The following ANKS1B variants were observed in gnomAD, a reference collection of about 807,000 sequenced individuals.
The protein encoded by ANKS1B is ankyrin repeat and sterile alpha motif domain-containing protein 1B.
ANKS1B carries 36 observed loss-of-function variants against 148.3 expected under a neutral mutation model. That is an observed-to-expected ratio of 0.24 (90% CI 0.19 to 0.32). ANKS1B has a LOEUF of 0.32. Among genes scored for constraint, ANKS1B ranks in the 10% least tolerant of loss-of-function variants. ANKS1B has a pLI of 1.00. For missense variants in ANKS1B, 1,157 were observed against 1,542.6 expected, an observed-to-expected ratio of 0.75 and a Z score of 4.19; for synonymous variants, 542 against 560.8, an observed-to-expected ratio of 0.97 and a Z score of 0.47.
chr12:99,307,030 G>A (rs2082444094), intron 12 of ANKS1B, among the ~76,000 whole-genome samples: 1 of 151,940 alleles, frequency 6.6e-6, no homozygotes, highest in Non-Finnish European at 1.5e-5. Context: ...TGTCGTCCCT[G>A]GCTCTGCCTT....
At chr12:98,940,662 G>C (rs2099835313) in intron 17 of ANKS1B, among the ~76,000 whole-genome samples, 1 of 152,052 alleles carries the variant, frequency 6.6e-6, no homozygotes, top group African/African-American at 2.4e-5. Flanking sequence ...ATTTATTTTT[G>C]TATTCTTATG....
chr12:99,019,141 C>A (rs1173111177), intron 17 of ANKS1B, among the ~76,000 whole-genome samples: 2 of 152,110 alleles, frequency 1.3e-5, no homozygotes, highest in Admixed American at 6.6e-5. Context: ...TTATTTAATG[C>A]TCCATAGAGT....
intron 6 of ANKS1B, among the ~76,000 whole-genome samples, chr12:99,778,248 G>A (rs7953608): frequency 1.3e-5 from 2 of 151,632 alleles, no homozygotes; most frequent in Non-Finnish European, 1.5e-5. Context: ...TGGCTCATGC[G>A]TGTAATCCCA....
rs2098610012 is a variant in ANKS1B at position 98,773,030 on chromosome 12, G to A, written c.3579+12C>T. On this transcript the variant is annotated intron_variant, in intron 25 of 26. Coordinates refer to ENST00000683438, the MANE Select transcript of ANKS1B (RefSeq NM_001352186.2). ...AAAGTCTTTAATCTGTTGAAAGGGGGTGGGTACTCACCACATCAAAGGCAG... is the reference window on the plus strand; with the variant it reads ...AAAGTCTTTAATCTGTTGAAAGGGGATGGGTACTCACCACATCAAAGGCAG... 2.5e-6 allele frequency: 4 copies of A among 1,613,820 alleles called. No homozygotes were observed. Among genetic ancestry groups the A allele is most frequent in the African/African-American group, 1.3e-5 (1 of 75,040 alleles).
intron 8 of ANKS1B, among the ~76,000 whole-genome samples, chr12:99,682,854 A>G (rs2098629178): frequency 6.6e-6 from 1 of 152,146 alleles, no homozygotes. Flanking sequence ...AAATCAATAG[A>G]TCATTAGTGA....
intron 16 of ANKS1B, among the ~76,000 whole-genome samples, chr12:99,058,231 CTTTTTTTTT>C (rs1032294121): frequency 1.6e-5 from 2 of 124,618 alleles, no homozygotes; most frequent in South Asian, 2.8e-4. Context: ...CATGCCACAT[CTTTTTTTTT>C]TTTTTTTTTT....
intron 17 of ANKS1B, among the ~76,000 whole-genome samples, chr12:98,994,595 G>A (rs2099928464): frequency 6.6e-6 from 1 of 152,128 alleles, no homozygotes; most frequent in Non-Finnish European, 1.5e-5. Flanking sequence ...CTCCATCCTG[G>A]GTAAAAGATT....
intron 9 of ANKS1B, among the ~76,000 whole-genome samples, chr12:99,628,218 C>T (rs186247097): frequency 9.9e-5 from 15 of 152,236 alleles, no homozygotes; most frequent in South Asian, 8.3e-4. Context: ...AGTAAAAATA[C>T]ATCATTATAA....
chr12:99,224,959 T>C (rs755692133), intron 14 of ANKS1B, among the ~76,000 whole-genome samples: 1 of 152,160 alleles, frequency 6.6e-6, no homozygotes, highest in Non-Finnish European at 1.5e-5. Context: ...ACTTAAGTAA[T>C]TGATACACAG....
intron 1 of ANKS1B, among the ~76,000 whole-genome samples, chr12:99,946,804 TG>T (rs1223955920): frequency 6.6e-6 from 1 of 152,108 alleles, no homozygotes; most frequent in Non-Finnish European, 1.5e-5. Context: ...GAGAAGAACA[TG>T]GCATGGCTAG....
At chr12:99,637,034 G>C (rs2153412481) in intron 9 of ANKS1B, among the ~76,000 whole-genome samples, 1 of 152,288 alleles carries the variant, frequency 6.6e-6, no homozygotes, top group South Asian at 2.1e-4. Flanking sequence ...GGCCGGGTGT[G>C]GTGGCTCACA....
intron 4 of ANKS1B, among the ~76,000 whole-genome samples, chr12:99,805,111 G>C (rs2067426566): frequency 6.6e-6 from 1 of 151,956 alleles, no homozygotes; most frequent in African/African-American, 2.4e-5. Context: ...ATTGTGTTAA[G>C]CTATTAAGTT....
chr12:99,192,773 T>C (rs1457614907), intron 14 of ANKS1B, among the ~76,000 whole-genome samples: 1 of 152,110 alleles, frequency 6.6e-6, no homozygotes, highest in African/African-American at 2.4e-5. Flanking sequence ...ATAGGGACTA[T>C]TATGTAAAAA....
At chr12:98,983,091 C>T (rs1456401079) in intron 17 of ANKS1B, among the ~76,000 whole-genome samples, 1 of 152,194 alleles carries the variant, frequency 6.6e-6, no homozygotes, top group Non-Finnish European at 1.5e-5. Flanking sequence ...AAAACAATAT[C>T]CACATATTAG....
intron 14 of ANKS1B, among the ~76,000 whole-genome samples, chr12:99,198,504 G>T (rs2081658290): frequency 6.6e-6 from 1 of 152,144 alleles, no homozygotes; most frequent in South Asian, 2.1e-4. Context: ...AATAACTTGA[G>T]GATAGCAGGT....
chr12:99,844,499 C>T (rs1354823134), intron 1 of ANKS1B, among the ~76,000 whole-genome samples: 1 of 152,020 alleles, frequency 6.6e-6, no homozygotes, highest in Non-Finnish European at 1.5e-5. Context: ...AATAGGGAAT[C>T]CTTCCCCCAT....
In ANKS1B at chr12:98,895,272, C is replaced by T. The variant is rs2099762556; in HGVS notation, c.2779-63136G>A. ...AGGCACTCGCTGCTGCTGGGCGCCC[C>T]TCGCATCCTCGGTTACTATGGATAT... On this transcript the variant is annotated intron_variant, in intron 17 of 26. Transcript: ENST00000683438. 3 of 985,356 alleles carry T rather than the reference C, an allele frequency of 3.0e-6. No individual in the cohort carries two copies. In the Admixed American group the frequency reaches 1.8e-4, roughly 61 times the overall value. The allele number at this position is 985,356 out of a possible 1,614,324, so 61.0% of individuals were successfully genotyped here. A position where few individuals can be genotyped will look rare whatever the true frequency, so the allele number is the denominator to read the frequency against.
chr12:99,950,185 T>C (rs2095180993), intron 1 of ANKS1B, among the ~76,000 whole-genome samples: 1 of 140,730 alleles, frequency 7.1e-6, no homozygotes, highest in South Asian at 2.4e-4. Flanking sequence ...TGTCTCAAAC[T>C]CCTGGGCTCA....
intron 12 of ANKS1B, among the ~76,000 whole-genome samples, chr12:99,303,263 A>C (rs1036737616): frequency 1.3e-5 from 2 of 152,170 alleles, no homozygotes; most frequent in African/African-American, 4.8e-5. Flanking sequence ...ATCATAGATG[A>C]AATGCAAGTT....
Sources: gnomAD v4.1 joint callset for allele counts (sites outside exome capture counted in the v4.1 genomes callset) on GRCh38, gnomAD v4.1.1 for gene constraint, MANE v1.5 for transcripts, NCBI Gene and HGNC (gene_info 2026-07-23, HGNC 2026-07-21) for gene names.